LRP1B: variants seen among roughly 807,000 people sequenced by gnomAD.
LRP1B encodes the protein LDL receptor related protein 1B, also known as low-density lipoprotein receptor-related protein 1B.
LRP1B carries 217 observed loss-of-function variants against 556.6 expected under a neutral mutation model. The observed-to-expected ratio is 0.39, with a 90% CI of 0.35 to 0.44. The LOEUF (loss-of-function observed/expected upper bound fraction) is 0.44. LRP1B is among the 20% of genes least tolerant of loss of function. LRP1B has a pLI of 1.00. For synonymous variants in LRP1B, 2,047 were observed against 1,865.8 expected, an observed-to-expected ratio of 1.10 and a Z score of -2.50; for missense variants, 5,053 against 5,620.8, an observed-to-expected ratio of 0.90 and a Z score of 3.23.
chr2:140,520,798 GA>G (rs757383865), intron 49 of LRP1B, among the ~76,000 whole-genome samples: 2,785 of 86,442 alleles, frequency 0.032, 82 homozygotes, highest in African/African-American at 0.11. Flanking sequence ...TAAGAAAACA[GA>G]AAAAAAAAAA....
At chr2:141,006,246 G>T (rs370232400) in intron 14 of LRP1B, among the ~76,000 whole-genome samples, 1 of 151,984 alleles carries the variant, frequency 6.6e-6, no homozygotes, top group Admixed American at 6.6e-5. Context: ...AGGGTAATTG[G>T]CATATCCATA....
At position 141,485,270 on chromosome 2, in the gene LRP1B, T is replaced by C. The variant is rs568074984; in HGVS notation, c.206-4737A>G. On this transcript the variant is annotated intron_variant, in intron 2 of 90. Coordinates refer to ENST00000389484, the MANE Select transcript of LRP1B (RefSeq NM_018557.3). ...ACTCATGAGACAGCTGGATCATGGC[T>C]GGATGAACTGTACCATAACCAGTCC... 3.3e-5 allele frequency among the ~76,000 whole-genome samples: 5 copies of C among 152,278 alleles called. No individual in the cohort carries two copies. The South Asian group carries it at 1.0e-3, about 32-fold the overall frequency.
chr2:141,297,375 A>G (rs903861330), intron 3 of LRP1B, among the ~76,000 whole-genome samples: 2 of 152,358 alleles, frequency 1.3e-5, no homozygotes, highest in African/African-American at 4.8e-5. Flanking sequence ...AAATTAGTTC[A>G]GCCACTATGG....
At chr2:141,708,458 T>C (rs1692233307) in intron 2 of LRP1B, among the ~76,000 whole-genome samples, 1 of 152,098 alleles carries the variant, frequency 6.6e-6, no homozygotes, top group Non-Finnish European at 1.5e-5. Flanking sequence ...GACTCACCTA[T>C]GATGGTGCAA....
chr2:141,114,931 C>G (rs1424201671), intron 7 of LRP1B, among the ~76,000 whole-genome samples: 1 of 152,030 alleles, frequency 6.6e-6, no homozygotes, highest in Non-Finnish European at 1.5e-5. Context: ...CTCCTTGATT[C>G]TATTAAAACC....
intron 2 of LRP1B, among the ~76,000 whole-genome samples, chr2:141,551,693 A>G (rs1445164001): frequency 1.3e-5 from 2 of 152,052 alleles, no homozygotes; most frequent in Non-Finnish European, 2.9e-5. Flanking sequence ...CATTAAAGCA[A>G]CTCTTGCACC....
At chr2:140,559,257 A>G (rs570587805) in intron 43 of LRP1B, among the ~76,000 whole-genome samples, 1 of 152,236 alleles carries the variant, frequency 6.6e-6, no homozygotes, top group South Asian at 2.1e-4. Context: ...ACCAAGATAA[A>G]AAGGAAAACT....
chr2:141,830,775 G>A (rs1255493136), intron 1 of LRP1B, among the ~76,000 whole-genome samples: 1 of 151,754 alleles, frequency 6.6e-6, no homozygotes, highest in Non-Finnish European at 1.5e-5. Flanking sequence ...AAAGTTTGGT[G>A]TAACTGAAAA....
chr2:140,606,077 G>C (rs1349272938), intron 41 of LRP1B, among the ~76,000 whole-genome samples: 1 of 151,882 alleles, frequency 6.6e-6, no homozygotes, highest in African/African-American at 2.4e-5. Context: ...ATCCAGATTG[G>C]AAAGAAAGAA....
intron 79 of LRP1B, among the ~76,000 whole-genome samples, chr2:140,329,686 A>G (rs569101558): frequency 1.3e-5 from 2 of 152,114 alleles, no homozygotes; most frequent in South Asian, 4.1e-4. Flanking sequence ...TACAGCTAAC[A>G]AGGGAGGTGA....
chr2:140,921,388 T>C (rs1417639771), intron 21 of LRP1B, among the ~76,000 whole-genome samples: 1 of 151,962 alleles, frequency 6.6e-6, no homozygotes, highest in Non-Finnish European at 1.5e-5. Context: ...TATTTTAAGT[T>C]AATACAATCA....
chr2:141,112,408 A>G (rs1431039520), intron 7 of LRP1B, among the ~76,000 whole-genome samples: 1 of 152,110 alleles, frequency 6.6e-6, no homozygotes, highest in Non-Finnish European at 1.5e-5. Flanking sequence ...TAATTTTGCT[A>G]TTTAAAATGG....
intron 2 of LRP1B, among the ~76,000 whole-genome samples, chr2:141,713,066 A>G (rs552125845): frequency 1.3e-5 from 2 of 150,842 alleles, no homozygotes; most frequent in African/African-American, 4.8e-5. Context: ...CCTACTGCAA[A>G]TGTTATTTTA....
chr2:141,724,191 GT>G (rs967897597), intron 2 of LRP1B, among the ~76,000 whole-genome samples: 1 of 151,828 alleles, frequency 6.6e-6, no homozygotes, highest in African/African-American at 2.4e-5. Flanking sequence ...ATTTTCAAAT[GT>G]TTTTTCTTAG....
intron 71 of LRP1B, among the ~76,000 whole-genome samples, chr2:140,367,808 C>T (rs1682828448): frequency 6.6e-6 from 1 of 151,726 alleles, no homozygotes; most frequent in Non-Finnish European, 1.5e-5. Flanking sequence ...CAATGGATTA[C>T]ATTCAAACAA....
intron 32 of LRP1B, among the ~76,000 whole-genome samples, chr2:140,781,681 G>GATA (rs1689703138): frequency 6.6e-6 from 1 of 152,070 alleles, no homozygotes; most frequent in Admixed American, 6.5e-5. Flanking sequence ...AAATAGTCAC[G>GATA]GTTCAATTCT....
chr2:141,211,404 G>A (rs1682544703), intron 6 of LRP1B, among the ~76,000 whole-genome samples: 2 of 151,262 alleles, frequency 1.3e-5, no homozygotes, highest in African/African-American at 2.4e-5. Context: ...GGTGGATCAC[G>A]AGGTCAGGAG....
At chr2:140,748,384 C>T (rs1176062936) in intron 35 of LRP1B, among the ~76,000 whole-genome samples, 106 of 18,176 alleles carry the variant, frequency 5.8e-3, no homozygotes, top group African/African-American at 9.8e-3. Context: ...TATATATATT[C>T]ATATATTATA....
chr2:140,461,581 T>A (rs1378541643), intron 60 of LRP1B, among the ~76,000 whole-genome samples: 1 of 152,162 alleles, frequency 6.6e-6, no homozygotes, highest in Non-Finnish European at 1.5e-5. Flanking sequence ...ACACCTGTAA[T>A]CCCAGCATTT....
Sources: gnomAD v4.1 joint callset for allele counts (sites outside exome capture counted in the v4.1 genomes callset) on GRCh38, gnomAD v4.1.1 for gene constraint, MANE v1.5 for transcripts, NCBI Gene and HGNC (gene_info 2026-07-23, HGNC 2026-07-21) for gene names.